The following EPHB3 variants were observed in gnomAD, a reference collection of about 807,000 sequenced individuals.
EPHB3 encodes EPH receptor B3, also known as ephrin type-B receptor 3.
EPHB3 carries 33 observed loss-of-function variants against 100.2 expected under a neutral mutation model. The observed-to-expected ratio is 0.33, with a 90% CI of 0.25 to 0.44. The LOEUF is 0.44. Ranked by LOEUF, EPHB3 falls within the 20% of genes least tolerant of loss-of-function variation. The pLI, the probability that EPHB3 is intolerant of heterozygous loss-of-function variation, is 1.00. For missense variants in EPHB3, 1,045 were observed against 1,378.3 expected (o/e 0.76, Z 3.83); for synonymous variants, 526 against 554.7 (o/e 0.95, Z 0.73).
At chr3:184,574,405 C>T (rs539088266) in intron 3 of EPHB3, among the ~76,000 whole-genome samples, 64 of 152,326 alleles carry the variant, frequency 4.2e-4, no homozygotes, top group African/African-American at 1.4e-3. Context: ...GAAACTGAGT[C>T]TTGGAGAAGC....
In EPHB3 at chr3:184,576,184, C is replaced by T. The variant is rs574098684; in HGVS notation, c.1012+199C>T. Among the ~76,000 whole-genome samples, 5 of 151,936 alleles carry T rather than the reference C, an allele frequency of 3.3e-5. No individual in the cohort carries two copies. The East Asian group carries it at 7.9e-4, about 24-fold the overall frequency. Reference sequence around the variant, plus strand: ...CCAGAATCCAGGTCAGCCGGCTCGTCCCTTCCACCAACGCTTGCTAAGCAC... The same window carrying T: ...CCAGAATCCAGGTCAGCCGGCTCGTTCCTTCCACCAACGCTTGCTAAGCAC... On this transcript the variant is annotated intron_variant, in intron 4 of 15. Transcript: ENST00000330394.
At position 184,575,890 on chromosome 3, in the gene EPHB3, C is replaced by T. The variant is rs376039794; in HGVS notation, c.917C>T (p.Pro306Leu). 2 of 1,613,732 alleles carry T rather than the reference C, an allele frequency of 1.2e-6. No homozygotes were observed. Among genetic ancestry groups the T allele is most frequent in the Non-Finnish European group, 1.7e-6 (2 of 1,179,870 alleles). ...GAGGGGCCCTGCCTCCCATGTCCCC[C>T]CAACAGCCGTACCACCTCCCCAGCC... ...QGEGPCLPCP[P>L]NSRTTSPAAS... Residue 306 changes from proline to leucine, a missense_variant, in exon 4 of 16, where the codon CCC becomes CTC. This residue lies in a region of EPHB3 where 985 missense variants were observed against 1,331.1 expected (regional missense o/e 0.74). Coordinates refer to ENST00000330394, the MANE Select transcript of EPHB3 (RefSeq NM_004443.4).
chr3:184,566,492 A>G (rs1481558045), intron 1 of EPHB3, among the ~76,000 whole-genome samples: 1 of 152,172 alleles, frequency 6.6e-6, no homozygotes, highest in Non-Finnish European at 1.5e-5. Flanking sequence ...CACAACATGC[A>G]TCTTCTCCAG....
At position 184,579,580 on chromosome 3, in the gene EPHB3, C is replaced by T. The variant is rs201950379; in HGVS notation, c.1905C>T (p.Ile635=). Residue 635 remains isoleucine, a synonymous_variant, in exon 10 of 16, where the codon ATC becomes ATT. Coordinates refer to ENST00000330394, the MANE Select transcript of EPHB3 (RefSeq NM_004443.4). The surrounding 1 kb of genome is among the most constrained non-coding windows in gnomAD (Gnocchi z 5.2). ...AGATCGACGTGTCCTGCGTCAAGAT[C>T]GAGGAGGTGATCGGAGCTGGTGAGT... is the stretch of plus-strand genomic sequence containing the variant. ...AKEIDVSCVK[I]EEVIGAGEFG... is the part of the protein sequence containing the mutation. 119 of 1,613,754 alleles carry T rather than the reference C, an allele frequency of 7.4e-5. No individual in the cohort carries two copies. Among genetic ancestry groups the T allele is most frequent in the Non-Finnish European group, 8.9e-5 (105 of 1,179,946 alleles).
Position 184,578,583 on chromosome 3 carries a change from C to T in EPHB3, c.1801+117C>T. On this transcript the variant is annotated intron_variant, in intron 9 of 15. Coordinates refer to ENST00000330394, the MANE Select transcript of EPHB3 (RefSeq NM_004443.4). The surrounding 1 kb of genome is among the most constrained non-coding windows in gnomAD (Gnocchi z 4.7). ...GAGATAAACCCTGAATGCCCCCTCC[C>T]ACTTCCAGTCAAGTGGCATTTCCTG... is the stretch of plus-strand genomic sequence containing the variant. 7.5e-7 allele frequency: 1 copy of T among 1,332,026 alleles called. No homozygotes were observed. Among genetic ancestry groups the T allele is most frequent in the Non-Finnish European group, 1.0e-6 (1 of 955,400 alleles). 82.5% of individuals were successfully genotyped at this position (1,332,026 alleles called of 1,614,324 possible). A position where few individuals can be genotyped will look rare whatever the true frequency, so the allele number is the denominator to read the frequency against.
intron 11 of EPHB3, 70 bp from the exon 12 acceptor site, chr3:184,580,332 G>T: frequency 6.3e-7 from 1 of 1,593,614 alleles, no homozygotes; most frequent in Non-Finnish European, 8.6e-7. Flanking sequence ...ACTCGGAGAG[G>T]GAAGGCAGGT....
chr3:184,578,292 G>A lies in EPHB3; in HGVS notation c.1749-122G>A, dbSNP rs1714733599. The stretch of plus-strand genomic sequence containing the variant: ...AGAGACTGCTGTGACCACCAATTGT[G>A]GGACTAGGCCCCAGGCCATCCCCTG... On this transcript the variant is annotated intron_variant, in intron 8 of 15. Coordinates refer to ENST00000330394, the MANE Select transcript of EPHB3 (RefSeq NM_004443.4). The surrounding 1 kb of genome is among the most constrained non-coding windows in gnomAD (Gnocchi z 4.7). The A allele has an allele frequency of 7.1e-7, 1 of 1,407,938 alleles. No individual in the cohort carries two copies. The highest frequency in any genetic ancestry group is 9.8e-7 in the Non-Finnish European group (1 of 1,017,250). The allele number at this position is 1,407,938 out of a possible 1,614,324, so 87.2% of individuals were successfully genotyped here. A position where few individuals can be genotyped will look rare whatever the true frequency, so the allele number is the denominator to read the frequency against.
At position 184,579,961 on chromosome 3, in the gene EPHB3, CCT is replaced by C; in HGVS notation, c.2172+29_2172+30del. The C allele has an allele frequency of 1.9e-6, 3 of 1,603,318 alleles. No homozygotes were observed. Among genetic ancestry groups the C allele is most frequent in the Non-Finnish European group, 2.6e-6 (3 of 1,174,900 alleles). Reference sequence around the variant, plus strand: ...TAAGAGCCAGCCCCCAGGCCCTCTCCCTCCCCCAGAGAGTTGGATTGGGCTCA... The same window carrying C: ...TAAGAGCCAGCCCCCAGGCCCTCTCCCCCCCAGAGAGTTGGATTGGGCTCA... On this transcript the variant is annotated intron_variant, in intron 11 of 15. Coordinates refer to ENST00000330394, the MANE Select transcript of EPHB3 (RefSeq NM_004443.4). The surrounding 1 kb of genome is among the most constrained non-coding windows in gnomAD (Gnocchi z 5.2).
intron 4 of EPHB3, 140 bp from the exon 5 acceptor site, chr3:184,576,702 A>G: frequency 1.3e-6 from 1 of 782,034 alleles, no homozygotes; most frequent in Non-Finnish European, 1.9e-6. Flanking sequence ...TGGTGAAGAA[A>G]TGTAGGAACG....
chr3:184,568,254 C>T (rs975724127), intron 1 of EPHB3, among the ~76,000 whole-genome samples: 2 of 152,174 alleles, frequency 1.3e-5, no homozygotes, highest in African/African-American at 2.4e-5. Context: ...AGACCCCAGG[C>T]CTGGTGACTA....
chr3:184,573,202 G>GGGTTGTC lies in EPHB3; in HGVS notation c.856+29_856+35dup. On this transcript the variant is annotated intron_variant, in intron 3 of 15. Transcript: ENST00000330394. The surrounding 1 kb of genome is among the most constrained non-coding windows in gnomAD (Gnocchi z 4.5). ...GTGAGTGGGGACTGTCCTGGGGAAAGGGTTGTCGGGAGGGCCTGGGCCACA... is the reference window on the plus strand; with the variant it reads ...GTGAGTGGGGACTGTCCTGGGGAAAGGGTTGTCGGTTGTCGGGAGGGCCTGGGCCACA... 1 of 1,606,772 alleles carries GGGTTGTC rather than the reference G, an allele frequency of 6.2e-7. No individual in the cohort carries two copies. The highest frequency in any genetic ancestry group is 8.5e-7 in the Non-Finnish European group (1 of 1,179,792).
In EPHB3 at chr3:184,573,519, A is replaced by G. The variant is rs1272323903; in HGVS notation, c.856+343A>G. Among the ~76,000 whole-genome samples the G allele has an allele frequency of 6.6e-6, 1 of 152,106 alleles. No individual in the cohort carries two copies. Among genetic ancestry groups the G allele is most frequent in the Admixed American group, 6.5e-5 (1 of 15,268 alleles). On this transcript the variant is annotated intron_variant, in intron 3 of 15. Transcript: ENST00000330394. The surrounding 1 kb of genome is among the most constrained non-coding windows in gnomAD (Gnocchi z 4.5). ...GCTCGCTTTGTCCCGGCCTGAGTGT[A>G]TGCTTCACCCTGAAAGTGGTAGGTT...
rs144365078 is a variant in EPHB3 at position 184,576,987 on chromosome 3, C to T, written c.1158C>T (p.Ala386=). The T allele has an allele frequency of 1.2e-6, 2 of 1,613,668 alleles. No individual in the cohort carries two copies. The highest frequency in any genetic ancestry group is 1.3e-5 in the African/African-American group (1 of 74,942). The change falls in exon 5 of 16, where the codon GCC becomes GCT. Residue 386 remains alanine (A), a synonymous_variant. Transcript: ENST00000330394. The part of the protein sequence containing the change: ...ICKKCHGAGG[A]SACSRCDDNV... ...AGAAGTGCCATGGGGCTGGAGGGGC[C>T]TCAGCCTGCTCACGCTGTGATGACA...
Position 184,572,773 on chromosome 3 carries a change from G to A in EPHB3, c.453G>A (p.Glu151=). 1 of 1,605,102 alleles carries A rather than the reference G, an allele frequency of 6.2e-7. No homozygotes were observed. Among genetic ancestry groups the A allele is most frequent in the Non-Finnish European group, 8.5e-7 (1 of 1,176,984 alleles). ...CAGCCTCCTCCCCCTTCTGGATGGA[G>A]AACCCCTACGTGAAAGTGGACACCA... ...VASASSPFWM[E]NPYVKVDTIA... Residue 151 remains glutamate, a synonymous_variant, in exon 3 of 16, where the codon GAG becomes GAA. Transcript: ENST00000330394. The surrounding 1 kb of genome is among the most constrained non-coding windows in gnomAD (Gnocchi z 6.6).
chr3:184,566,558 G>A (rs1242570675), intron 1 of EPHB3, among the ~76,000 whole-genome samples: 1 of 152,178 alleles, frequency 6.6e-6, no homozygotes, highest in Non-Finnish European at 1.5e-5. Flanking sequence ...CTCCCTGTGT[G>A]TACAGGCTGG....
chr3:184,570,960 T>C lies in EPHB3; in HGVS notation c.119-358T>C, dbSNP rs527584202. ...TGAGCCATCTCTTCTTTCTTTCTTT[T>C]TTTTTTTTTTTTAGACAGAGTTTCT... On this transcript the variant is annotated intron_variant, in intron 1 of 15. Coordinates refer to ENST00000330394, the MANE Select transcript of EPHB3 (RefSeq NM_004443.4). Among the ~76,000 whole-genome samples, 118 of 142,386 alleles carry C rather than the reference T, an allele frequency of 8.3e-4. 1 individual carries two copies. The highest frequency in any genetic ancestry group is 2.7e-3 in the East Asian group (13 of 4,732). The allele number at this position is 142,386 out of a possible 152,430, so 93.4% of individuals were successfully genotyped here. A position where few individuals can be genotyped will look rare whatever the true frequency, so the allele number is the denominator to read the frequency against.
chr3:184,570,441 T>C (rs1462998360), intron 1 of EPHB3, among the ~76,000 whole-genome samples: 1 of 152,240 alleles, frequency 6.6e-6, no homozygotes, highest in Non-Finnish European at 1.5e-5. Flanking sequence ...GTAAAAGGGA[T>C]ACACCAACAG....
intron 1 of EPHB3, among the ~76,000 whole-genome samples, chr3:184,564,933 G>A (rs547897580): frequency 5.3e-5 from 8 of 152,256 alleles, no homozygotes; most frequent in East Asian, 3.9e-4. Flanking sequence ...ATTTGGTTTC[G>A]TCAGGATTTG....
Position 184,575,984 on chromosome 3 carries a change from C to T in EPHB3, c.1011C>T (p.Thr337=), listed in dbSNP as rs754212543. 2.5e-6 allele frequency: 4 copies of T among 1,607,948 alleles called. No homozygotes were observed. The highest frequency in any genetic ancestry group is 2.7e-5 in the African/African-American group (2 of 74,608). Residue 337 remains threonine, a splice_region_variant and synonymous_variant, in exon 4 of 16, where the codon ACC becomes ACT. Coordinates refer to ENST00000330394, the MANE Select transcript of EPHB3 (RefSeq NM_004443.4). ...ADSDSADSAC[T]TVPSPPRGVI... ...CGGACTCTGCGGACAGTGCCTGTAC[C>T]AGTGAGTGAACGCGTGACCTCTCTT...
Sources: gnomAD v4.1 joint callset for allele counts (sites outside exome capture counted in the v4.1 genomes callset) on GRCh38, gnomAD v4.1.1 for gene constraint, gnomAD v4.1.1 regional missense constraint, Gnocchi (gnomAD v3.1) non-coding constraint, MANE v1.5 for transcripts, NCBI Gene and HGNC (gene_info 2026-07-23, HGNC 2026-07-21) for gene names.